WDR27: variants seen among roughly 807,000 people sequenced by gnomAD.
The protein encoded by WDR27 is WD repeat-containing protein 27.
Under a neutral mutation model 114.4 loss-of-function variants are expected in WDR27, and 100 were observed. That is an observed-to-expected ratio of 0.87 (90% CI 0.74 to 1.03). The LOEUF (loss-of-function observed/expected upper bound fraction) is 1.03. Ranked by LOEUF, WDR27 falls within the 50% of genes least tolerant of loss-of-function variation. The pLI, the probability that WDR27 is intolerant of heterozygous loss-of-function variation, is 0.00. For missense variants in WDR27, 1,129 were observed against 1,092.9 expected, an observed-to-expected ratio of 1.03 and a Z score of -0.47; for synonymous variants, 449 against 423.1, an observed-to-expected ratio of 1.06 and a Z score of -0.75.
rs1269529191 is a variant in WDR27, at chr6:169,467,927, C to A, written c.2646-10293G>T. 2.0e-5 allele frequency among the ~76,000 whole-genome samples: 3 copies of A among 152,234 alleles called. No individual in the cohort carries two copies. In the East Asian group the frequency reaches 5.8e-4, roughly 29 times the overall value. Reference sequence around the variant, plus strand: ...CGTAAGTTCCAATTCCAAACCATATCTTTGTGAATACATAAAACTTGATGC... The same window carrying A: ...CGTAAGTTCCAATTCCAAACCATATATTTGTGAATACATAAAACTTGATGC... On this transcript the variant is annotated intron_variant, in intron 25 of 25. Coordinates refer to ENST00000448612, the MANE Select transcript of WDR27 (RefSeq NM_182552.5).
At chr6:169,563,321 A>T (rs1368232060) in intron 25 of WDR27, among the ~76,000 whole-genome samples, 1 of 152,170 alleles carries the variant, frequency 6.6e-6, no homozygotes, top group Admixed American at 6.5e-5. Flanking sequence ...AAGCCAAAAA[A>T]GTAGCAGCTG....
chr6:169,441,244 A>C, the WDR27 span, among the ~76,000 whole-genome samples: 1 of 152,146 alleles, frequency 6.6e-6, no homozygotes, highest in African/African-American at 2.4e-5. Context: ...TGACTACCTT[A>C]CTTCCCCCGA....
At chr6:169,599,192 T>A (rs541796718) in intron 23 of WDR27, among the ~76,000 whole-genome samples, 11 of 146,696 alleles carry the variant, frequency 7.5e-5, no homozygotes, top group Non-Finnish European at 1.5e-4. Flanking sequence ...CCTGTGTCCA[T>A]GTGTTCTCAA....
At chr6:169,650,484 C>T (rs1456988084) in intron 14 of WDR27, among the ~76,000 whole-genome samples, 2 of 146,996 alleles carry the variant, frequency 1.4e-5, no homozygotes, top group South Asian at 2.3e-4. Flanking sequence ...CTCATCCATC[C>T]GTCTCTCCAT....
In WDR27 at chr6:169,543,011, T is replaced by G. The variant is rs1311093525; in HGVS notation, c.2645+29408A>C. On this transcript the variant is annotated intron_variant, in intron 25 of 25. Transcript: ENST00000448612. ...TTTAGACTTACAGAGCATCTCAGCA[T>G]GGACTAACCAGAGTGAAGGTGCTAA... Among the ~76,000 whole-genome samples, 4 of 151,960 alleles carry G rather than the reference T, an allele frequency of 2.6e-5. No individual in the cohort carries two copies. In the East Asian group the frequency reaches 7.7e-4, roughly 29 times the overall value.
chr6:169,615,704 C>T (rs1391732565), intron 21 of WDR27, among the ~76,000 whole-genome samples: 1 of 152,148 alleles, frequency 6.6e-6, no homozygotes, highest in African/African-American at 2.4e-5. Flanking sequence ...GCAATACCGT[C>T]CTAGACACAA....
At chr6:169,545,105 G>T (rs907973065) in intron 25 of WDR27, among the ~76,000 whole-genome samples, 1 of 152,036 alleles carries the variant, frequency 6.6e-6, no homozygotes, top group Non-Finnish European at 1.5e-5. Flanking sequence ...GCTAAAACTT[G>T]ACAAACAAGA....
At chr6:169,550,905 G>T (rs561668283) in intron 25 of WDR27, among the ~76,000 whole-genome samples, 1 of 152,156 alleles carries the variant, frequency 6.6e-6, no homozygotes, top group African/African-American at 2.4e-5. Flanking sequence ...TTGTAGAGAC[G>T]GGGTCTCACT....
chr6:169,436,798 A>C, the WDR27 span, among the ~76,000 whole-genome samples: 2 of 152,118 alleles, frequency 1.3e-5, no homozygotes, highest in African/African-American at 4.8e-5. Flanking sequence ...TGCCTTCTTA[A>C]ATTTTATAAA....
At chr6:169,499,330 G>C (rs1482332504) in intron 25 of WDR27, among the ~76,000 whole-genome samples, 3 of 152,234 alleles carry the variant, frequency 2.0e-5, no homozygotes, top group African/African-American at 7.2e-5. Flanking sequence ...GTGAGGCAGG[G>C]CTCTGAATAG....
At chr6:169,427,807 A>AC in the WDR27 span, among the ~76,000 whole-genome samples, 1 of 102,050 alleles carries the variant, frequency 9.8e-6, no homozygotes, top group South Asian at 2.7e-4. Flanking sequence ...ACAAACAACA[A>AC]CCAAAAAAAA....
chr6:169,531,654 T>C (rs1341268131), intron 25 of WDR27, among the ~76,000 whole-genome samples: 2 of 72,796 alleles, frequency 2.7e-5, no homozygotes, highest in Admixed American at 1.2e-4. Context: ...TTAAACAGTT[T>C]GTTTTTTTTT....
At chr6:169,499,740 G>A (rs376790677) in intron 25 of WDR27, among the ~76,000 whole-genome samples, 15 of 152,336 alleles carry the variant, frequency 9.8e-5, no homozygotes, top group African/African-American at 3.6e-4. Flanking sequence ...TTTCACTGCT[G>A]ATGCTGGGAC....
At chr6:169,681,231 T>C (rs143987526) in intron 2 of WDR27, among the ~76,000 whole-genome samples, 1 of 152,348 alleles carries the variant, frequency 6.6e-6, no homozygotes, top group African/African-American at 2.4e-5. Flanking sequence ...TGCAGGAACA[T>C]GGATCTCAAT....
At chr6:169,495,710 A>AGT (rs1212131600) in intron 25 of WDR27, among the ~76,000 whole-genome samples, 6 of 152,118 alleles carry the variant, frequency 3.9e-5, no homozygotes, top group Non-Finnish European at 2.9e-5. Context: ...AAAATCTACC[A>AGT]AGACTAAATC....
the WDR27 span, among the ~76,000 whole-genome samples, chr6:169,451,388 C>G: frequency 6.6e-6 from 1 of 152,170 alleles, no homozygotes; most frequent in Admixed American, 6.5e-5. Context: ...CCAAGCTGTT[C>G]CCCGACCACC....
chr6:169,635,676 A>T (rs1817512082), intron 19 of WDR27, among the ~76,000 whole-genome samples: 1 of 152,256 alleles, frequency 6.6e-6, no homozygotes, highest in Non-Finnish European at 1.5e-5. Context: ...TGAGAGAAGC[A>T]GGCAGATGCA....
intron 13 of WDR27, among the ~76,000 whole-genome samples, chr6:169,656,706 ACAGCTCC>A (rs1238127121): frequency 2.0e-5 from 3 of 152,066 alleles, no homozygotes; most frequent in Non-Finnish European, 4.4e-5. Context: ...CCCAGCTCCG[ACAGCTCC>A]CAGCTCCGCA....
chr6:169,586,855 A>C (rs1171832118), intron 23 of WDR27, among the ~76,000 whole-genome samples: 1 of 145,916 alleles, frequency 6.9e-6, no homozygotes, highest in African/African-American at 2.5e-5. Context: ...CTCAAAAAAA[A>C]AAAAAAAAAA....
Sources: gnomAD v4.1 joint callset for allele counts (sites outside exome capture counted in the v4.1 genomes callset) on GRCh38, gnomAD v4.1.1 for gene constraint, MANE v1.5 for transcripts, NCBI Gene and HGNC (gene_info 2026-07-23, HGNC 2026-07-21) for gene names.